The following PUM1 variants were observed in gnomAD, a reference collection of about 807,000 sequenced individuals.
PUM1 encodes pumilio homolog 1.
PUM1 carries 13 observed loss-of-function variants against 131.8 expected under a neutral mutation model. The observed-to-expected ratio is 0.10, with a 90% confidence interval of 0.06 to 0.16. The LOEUF (loss-of-function observed/expected upper bound fraction) is 0.16, where lower values mean the gene tolerates loss of function less well. PUM1 is among the 10% of genes least tolerant of loss of function. PUM1 has a pLI of 1.00. For missense variants in PUM1, 961 were observed against 1,512.4 expected (o/e 0.64, Z 6.05); for synonymous variants, 509 against 556.5 (o/e 0.91, Z 1.20).
chr1:31,025,545 CTTTTTTTTT>C (rs35510099), intron 3 of PUM1, among the ~76,000 whole-genome samples: 1 of 88,820 alleles, frequency 1.1e-5, no homozygotes, highest in Non-Finnish European at 2.0e-5. Flanking sequence ...TGTTTTTTGT[CTTTTTTTTT>C]TTTTTTTTTT....
At chr1:31,032,896 A>G (rs1033814160) in intron 2 of PUM1, among the ~76,000 whole-genome samples, 60 of 152,324 alleles carry the variant, frequency 3.9e-4, no homozygotes, top group African/African-American at 1.4e-3. Context: ...ACCTGAGGTC[A>G]GGAGTTCAAG....
At chr1:30,947,544 T>C (rs530041267) in intron 17 of PUM1, among the ~76,000 whole-genome samples, 2 of 152,306 alleles carry the variant, frequency 1.3e-5, no homozygotes, top group Admixed American at 1.3e-4. Flanking sequence ...ACTGGAGCCC[T>C]TCCCCCAAAC....
At chr1:30,988,836 C>T (rs1641665449) in intron 7 of PUM1, among the ~76,000 whole-genome samples, 1 of 152,178 alleles carries the variant, frequency 6.6e-6, no homozygotes, top group South Asian at 2.1e-4. Context: ...TTGCATGCAA[C>T]CTTTGTCCTC....
intron 2 of PUM1, among the ~76,000 whole-genome samples, chr1:31,033,297 C>T (rs1401629712): frequency 6.6e-6 from 1 of 151,350 alleles, no homozygotes; most frequent in African/African-American, 2.4e-5. Flanking sequence ...CTCCACCTTC[C>T]AGGCTCAAGT....
intron 10 of PUM1, among the ~76,000 whole-genome samples, chr1:30,974,066 C>T (rs573604805): frequency 6.8e-6 from 1 of 147,076 alleles, no homozygotes; most frequent in African/African-American, 2.5e-5. Flanking sequence ...CCAGCCTGGG[C>T]GACAGAGCTA....
Position 30,942,003 on chromosome 1 carries a change from C to G in PUM1, c.3115G>C (p.Val1039Leu). Residue 1039 changes from valine to leucine, a missense_variant, in exon 19 of 22, where the codon GTA (valine) becomes CTA (leucine). Around this residue, in one of 4 missense-constraint regions of PUM1, gnomAD observed 178 missense variants for 327.5 expected, o/e 0.54. Coordinates refer to ENST00000426105, the MANE Select transcript of PUM1 (RefSeq NM_001020658.2). ...TCTACTGGCAACTCCACTACCTGTA[C>G]AAGCTGCTCTGTGTGCTGGTGAAGC... ...EELHQHTEQL[V>L]QDQYGNYVIQ... The G allele has an allele frequency of 1.3e-6, 2 of 1,573,554 alleles. No homozygotes were observed. Among genetic ancestry groups the G allele is most frequent in the Non-Finnish European group, 1.7e-6 (2 of 1,154,684 alleles).
intron 3 of PUM1, among the ~76,000 whole-genome samples, chr1:31,012,674 T>C (rs755324299): frequency 3.3e-5 from 5 of 152,084 alleles, no homozygotes; most frequent in Admixed American, 1.3e-4. Context: ...TTTAAATTTG[T>C]CTGGAAACAC....
chr1:30,979,704 G>A (rs965805150), intron 9 of PUM1, among the ~76,000 whole-genome samples: 7 of 152,086 alleles, frequency 4.6e-5, no homozygotes, highest in Non-Finnish European at 7.4e-5. Flanking sequence ...AGAGAGGCAA[G>A]GAAATTATAA....
At chr1:31,023,884 G>A (rs536700884) in intron 3 of PUM1, among the ~76,000 whole-genome samples, 2 of 143,922 alleles carry the variant, frequency 1.4e-5, no homozygotes, top group African/African-American at 5.3e-5. Flanking sequence ...AGCCAAGATC[G>A]CGCCACACTT....
At chr1:31,031,647 T>A (rs1484989026) in intron 2 of PUM1, among the ~76,000 whole-genome samples, 1 of 152,182 alleles carries the variant, frequency 6.6e-6, no homozygotes, top group East Asian at 1.9e-4. Context: ...CCACCTCCAA[T>A]ATTCTATTAT....
chr1:31,038,984 A>ATATTTTTTTT, intron 2 of PUM1, among the ~76,000 whole-genome samples: 8 of 49,416 alleles, frequency 1.6e-4, no homozygotes, highest in East Asian at 1.3e-3. Context: ...ATATATATAT[A>ATATTTTTTTT]TTTTTTTTTT....
intron 2 of PUM1, among the ~76,000 whole-genome samples, chr1:31,031,539 T>G (rs957351411): frequency 5.9e-5 from 9 of 152,190 alleles, no homozygotes; most frequent in African/African-American, 2.2e-4. Context: ...TCAGAGCACT[T>G]ACATGGCACT....
intron 18 of PUM1, among the ~76,000 whole-genome samples, chr1:30,943,433 G>A (rs1034700035): frequency 6.6e-6 from 1 of 152,006 alleles, no homozygotes; most frequent in Middle Eastern, 3.2e-3. Context: ...TGTATTTCTA[G>A]TAGAGACGGG....
intron 9 of PUM1, among the ~76,000 whole-genome samples, chr1:30,978,415 C>T (rs561703568): frequency 1.3e-5 from 2 of 152,346 alleles, no homozygotes; most frequent in African/African-American, 2.4e-5. Flanking sequence ...CATTCTCCTA[C>T]GAAGAGCTTT....
At chr1:30,939,218 C>T (rs747278557) in intron 20 of PUM1, among the ~76,000 whole-genome samples, 17 of 152,304 alleles carry the variant, frequency 1.1e-4, no homozygotes, top group Non-Finnish European at 2.2e-4. Context: ...CTATGTTCCA[C>T]CAAAGAGAAG....
intron 5 of PUM1, among the ~76,000 whole-genome samples, chr1:31,000,389 CAA>C (rs1339849534): frequency 6.6e-6 from 1 of 152,154 alleles, no homozygotes; most frequent in African/African-American, 2.4e-5. Context: ...ATCAAAATCT[CAA>C]GAGTGGAACC....
intron 14 of PUM1, among the ~76,000 whole-genome samples, chr1:30,956,825 G>A (rs1640184332): frequency 6.6e-6 from 1 of 152,240 alleles, no homozygotes; most frequent in East Asian, 1.9e-4. Flanking sequence ...AATGTTTAAT[G>A]ACAAGACAAA....
intron 17 of PUM1, among the ~76,000 whole-genome samples, chr1:30,948,756 G>C (rs967215763): frequency 6.6e-6 from 1 of 151,688 alleles, no homozygotes; most frequent in Admixed American, 6.6e-5. Context: ...TCTCCAAAAA[G>C]AAAGAAAGAA....
chr1:31,056,548 G>A (rs1383373784), intron 2 of PUM1, among the ~76,000 whole-genome samples: 1 of 142,366 alleles, frequency 7.0e-6, no homozygotes, highest in Non-Finnish European at 1.5e-5. Context: ...CTCCCAAAGT[G>A]TTGAGATTGC....
Sources: allele counts gnomAD v4.1 joint callset (sites outside exome capture counted in the v4.1 genomes callset), GRCh38; gene constraint gnomAD v4.1.1; regional missense constraint gnomAD v4.1.1; transcripts MANE v1.5; gene names NCBI Gene and HGNC (gene_info 2026-07-23, HGNC 2026-07-21).